FBXW11: variants seen among roughly 807,000 people sequenced by gnomAD.
FBXW11 encodes F-box/WD repeat-containing protein 11.
FBXW11 carries 19 observed loss-of-function variants against 77.6 expected under a neutral mutation model. The observed-to-expected ratio is 0.24, with a 90% CI of 0.17 to 0.36. The LOEUF is 0.36. Among genes scored for constraint, FBXW11 ranks in the 10% least tolerant of loss-of-function variants. The pLI, the probability that FBXW11 is intolerant of heterozygous loss-of-function variation, is 1.00. For synonymous variants in FBXW11, 235 were observed against 249.4 expected, an observed-to-expected ratio of 0.94 and a Z score of 0.54; for missense variants, 334 against 704.2, an observed-to-expected ratio of 0.47 and a Z score of 5.95.
At chr5:171,917,815 A>G (rs1178702338) in intron 2 of FBXW11, among the ~76,000 whole-genome samples, 2 of 141,544 alleles carry the variant, frequency 1.4e-5, no homozygotes, top group African/African-American at 5.0e-5. Context: ...TATATATTCA[A>G]TTCAGAGATA....
At chr5:171,994,676 C>G (rs952722913) in intron 1 of FBXW11, among the ~76,000 whole-genome samples, 1 of 152,136 alleles carries the variant, frequency 6.6e-6, no homozygotes, top group Non-Finnish European at 1.5e-5. Flanking sequence ...CCAGTATTAA[C>G]TATTACTTCT....
chr5:171,992,207 A>G (rs1335094858), intron 1 of FBXW11, among the ~76,000 whole-genome samples: 1 of 151,922 alleles, frequency 6.6e-6, no homozygotes. Flanking sequence ...AGGCAGGCAG[A>G]CCACAAGGTC....
chr5:171,940,496 G>C (rs1221716316), intron 2 of FBXW11, among the ~76,000 whole-genome samples: 1 of 152,102 alleles, frequency 6.6e-6, no homozygotes, highest in Non-Finnish European at 1.5e-5. Context: ...CGGAGAAATG[G>C]CTGGTTCCAA....
intron 2 of FBXW11, among the ~76,000 whole-genome samples, chr5:171,933,730 A>G (rs1446877870): frequency 1.3e-5 from 2 of 152,244 alleles, no homozygotes; most frequent in Non-Finnish European, 2.9e-5. Context: ...GAAGCCATGC[A>G]GTAAAGAAAT....
At chr5:171,952,447 A>ATTTTTTTTT (rs1164383563) in intron 2 of FBXW11, among the ~76,000 whole-genome samples, 12 of 6,946 alleles carry the variant, frequency 1.7e-3, no homozygotes, top group Admixed American at 2.9e-3. Context: ...ATATATATAT[A>ATTTTTTTTT]TTTTTTTTTT....
chr5:171,871,729 C>T (rs1194640677), intron 10 of FBXW11, among the ~76,000 whole-genome samples: 1 of 152,142 alleles, frequency 6.6e-6, no homozygotes, highest in Non-Finnish European at 1.5e-5. Context: ...AGCCTCTCTA[C>T]CAGTAATTCC....
At chr5:171,954,050 G>A (rs938272297) in intron 2 of FBXW11, among the ~76,000 whole-genome samples, 6 of 152,180 alleles carry the variant, frequency 3.9e-5, no homozygotes, top group African/African-American at 1.4e-4. Context: ...CAAGCAATCA[G>A]TCCTACCCCA....
intron 7 of FBXW11, among the ~76,000 whole-genome samples, chr5:171,881,446 C>T (rs1758500208): frequency 6.6e-6 from 1 of 152,190 alleles, no homozygotes; most frequent in Non-Finnish European, 1.5e-5. Context: ...CTCAAACGCC[C>T]TTTCTGCATC....
At position 171,934,598 on chromosome 5, in the gene FBXW11, A is replaced by T. The variant is rs913259023; in HGVS notation, c.148-20193T>A. ...AGGCTGAGGCACAAGAATTGCTTGA[A>T]CCCGGGAGGCAGAGGTTGCAGCGAG... On this transcript the variant is annotated intron_variant, in intron 2 of 13. Coordinates refer to ENST00000517395, the MANE Select transcript of FBXW11 (RefSeq NM_001378974.1). Among the ~76,000 whole-genome samples, 6 of 149,930 alleles carry T rather than the reference A, an allele frequency of 4.0e-5. No individual in the cohort carries two copies. In the South Asian group the frequency reaches 1.3e-3, roughly 32 times the overall value.
intron 6 of FBXW11, among the ~76,000 whole-genome samples, chr5:171,896,100 T>A (rs1759724409): frequency 1.3e-5 from 2 of 152,176 alleles, no homozygotes; most frequent in Admixed American, 6.6e-5. Context: ...TTAAGCCAAT[T>A]TTCGGTGGGT....
chr5:172,005,828 G>A (rs962811530), intron 1 of FBXW11, among the ~76,000 whole-genome samples: 4 of 152,074 alleles, frequency 2.6e-5, no homozygotes, highest in African/African-American at 7.2e-5. Flanking sequence ...CTCTCCGCCG[G>A]GTAGGAAACC....
At chr5:171,945,650 T>C (rs1762969114) in intron 2 of FBXW11, among the ~76,000 whole-genome samples, 1 of 152,224 alleles carries the variant, frequency 6.6e-6, no homozygotes, top group African/African-American at 2.4e-5. Flanking sequence ...TACTAATGGT[T>C]CTCTGCGAAG....
intron 11 of FBXW11, among the ~76,000 whole-genome samples, chr5:171,870,450 T>G (rs1757689027): frequency 6.6e-6 from 1 of 151,824 alleles, no homozygotes; most frequent in Admixed American, 6.6e-5. Context: ...AGCAAAGAAG[T>G]CAATACCCCC....
At position 171,891,487 on chromosome 5, in the gene FBXW11, G is replaced by A. The variant is rs1365831063; in HGVS notation, c.832C>T (p.Leu278=). The A allele has an allele frequency of 1.3e-6, 2 of 1,587,716 alleles. No individual in the cohort carries two copies. The highest frequency in any genetic ancestry group is 8.6e-7 in the Non-Finnish European group (1 of 1,168,678). ...QYDDEKIISG[L]RDNSIKIWDK... ...TTCACCTTAATAGAATTATCTCGTA[G>A]GCCACTGATAATTTTTTCATCATCG... is the stretch of plus-strand genomic sequence containing the variant. Residue 278 remains leucine, a synonymous_variant, in exon 7 of 14, where the codon CTA becomes TTA. Coordinates refer to ENST00000517395, the MANE Select transcript of FBXW11 (RefSeq NM_001378974.1).
intron 2 of FBXW11, among the ~76,000 whole-genome samples, chr5:171,930,117 TA>T (rs1207969618): frequency 1.3e-5 from 2 of 152,128 alleles, no homozygotes; most frequent in Non-Finnish European, 2.9e-5. Flanking sequence ...AAGATTGACA[TA>T]AAATCACATT....
intron 4 of FBXW11, among the ~76,000 whole-genome samples, chr5:171,905,358 T>C (rs1029603018): frequency 1.1e-4 from 16 of 152,198 alleles, no homozygotes; most frequent in Non-Finnish European, 2.2e-4. Flanking sequence ...ATAGGTACTC[T>C]ACATACCCTC....
At chr5:171,930,094 G>A (rs1396208315) in intron 2 of FBXW11, among the ~76,000 whole-genome samples, 3 of 152,034 alleles carry the variant, frequency 2.0e-5, no homozygotes, top group South Asian at 2.1e-4. Context: ...AGAAGGAAAC[G>A]AGCAGCAGAT....
chr5:171,882,446 C>T (rs373664853), intron 7 of FBXW11, among the ~76,000 whole-genome samples: 3 of 152,112 alleles, frequency 2.0e-5, no homozygotes, highest in Admixed American at 6.5e-5. Context: ...GGACTACAGA[C>T]GCATGCCACA....
chr5:171,870,765 G>A lies in FBXW11; in HGVS notation c.1434C>T (p.Val478=), dbSNP rs376089647. Residue 478 remains valine, a synonymous_variant, in exon 11 of 14, where the codon GTC becomes GTT. Transcript: ENST00000517395. ...RCIRFDNKRI[V]SGAYDGKIKV... is the part of the protein sequence containing the mutation. ...AGACATACCCATCATAGGCCCCACT[G>A]ACAATCCTCTTGTTATCAAACCGGA... 1.9e-6 allele frequency: 3 copies of A among 1,613,208 alleles called. No individual in the cohort carries two copies. The African/African-American group carries it at 4.0e-5, about 22-fold the overall frequency.
Sources: gnomAD v4.1 joint callset for allele counts (sites outside exome capture counted in the v4.1 genomes callset) on GRCh38, gnomAD v4.1.1 for gene constraint, MANE v1.5 for transcripts, NCBI Gene and HGNC (gene_info 2026-07-23, HGNC 2026-07-21) for gene names.